Variants in NUP210 observed in about 807,000 individuals in gnomAD.
NUP210 encodes nucleoporin 210, also known as nuclear pore membrane glycoprotein 210.
Under a neutral mutation model 196.0 loss-of-function variants are expected in NUP210, and 151 were observed. The observed-to-expected ratio is 0.77, with a 90% CI of 0.67 to 0.88. The LOEUF is 0.88. Ranked by LOEUF, NUP210 falls within the 40% of genes least tolerant of loss-of-function variation. NUP210 has a pLI of 0.00. For missense variants in NUP210, 2,314 were observed against 2,493.7 expected, an observed-to-expected ratio of 0.93 and a Z score of 1.53; for synonymous variants, 1,070 against 1,052.7, an observed-to-expected ratio of 1.02 and a Z score of -0.32.
chr3:13,323,255 C>T lies in NUP210; in HGVS notation c.4768+54G>A. On this transcript the variant is annotated intron_variant, in intron 34 of 39. Transcript: ENST00000254508. This position sits in a 1 kb window ranked among gnomAD's most constrained non-coding sequence, Gnocchi z 4.3. ...AACTCCATCCAGAGGACACAGGAAG[C>T]CACCTCCCCGCTCCCAGGTACTCTG... 1 of 1,607,662 alleles carries T rather than the reference C, an allele frequency of 6.2e-7. No homozygotes were observed. Among genetic ancestry groups the T allele is most frequent in the Non-Finnish European group, 8.5e-7 (1 of 1,176,256 alleles).
chr3:13,387,086 A>C (rs181612099), intron 5 of NUP210, among the ~76,000 whole-genome samples: 1 of 152,310 alleles, frequency 6.6e-6, no homozygotes, highest in East Asian at 1.9e-4. Flanking sequence ...GAAACACAAA[A>C]ACATTTCCTC....
intron 13 of NUP210, 119 bp from the exon 14 acceptor site, chr3:13,366,210 C>T: frequency 2.1e-6 from 2 of 937,080 alleles, no homozygotes; most frequent in Non-Finnish European, 3.1e-6. Flanking sequence ...CTCACTGCGA[C>T]CTCCGCCTCC....
At chr3:13,402,590 G>A (rs1014251779) in intron 1 of NUP210, among the ~76,000 whole-genome samples, 2 of 152,010 alleles carry the variant, frequency 1.3e-5, no homozygotes. Context: ...TGCAGAACCC[G>A]ACTGCAGTGA....
At chr3:13,410,266 C>T (rs1218467660) in intron 1 of NUP210, among the ~76,000 whole-genome samples, 2 of 148,888 alleles carry the variant, frequency 1.3e-5, no homozygotes, top group African/African-American at 4.9e-5. Context: ...CCGCAGCCTC[C>T]ACCTCCCAGG....
chr3:13,333,117 C>T (rs541089914), intron 28 of NUP210, among the ~76,000 whole-genome samples: 53 of 152,322 alleles, frequency 3.5e-4, no homozygotes, highest in African/African-American at 1.2e-3. Flanking sequence ...GGAGCTCAGT[C>T]CGGCAAATGA....
intron 15 of NUP210, among the ~76,000 whole-genome samples, chr3:13,360,061 T>G (rs1166439127): frequency 6.6e-6 from 1 of 152,222 alleles, no homozygotes; most frequent in East Asian, 1.9e-4. Flanking sequence ...AAAGCTGGCA[T>G]AGCGGGAGGT....
rs749632555 is a variant in NUP210, at chr3:13,330,438, AAGG to A, written c.4110+19_4110+21del. 2.1e-4 allele frequency: 338 copies of A among 1,609,802 alleles called. 6 individuals are homozygous for A. The highest frequency in any genetic ancestry group is 1.8e-3 in the African/African-American group (138 of 74,848). On this transcript the variant is annotated intron_variant, in intron 30 of 39. Coordinates refer to ENST00000254508, the MANE Select transcript of NUP210 (RefSeq NM_024923.4). ...GTGCTATTGCTTTCATTACTCCAAA[AAGG>A]AGGAGAATGCAACCCTACCTTTACA...
In NUP210 at chr3:13,379,666, G is replaced by A; in HGVS notation, c.873C>T (p.Gly291=). Residue 291 remains glycine (G), a synonymous_variant, in exon 7 of 40, where the codon GGC becomes GGT. Transcript: ENST00000254508. This position sits in a 1 kb window ranked among gnomAD's most constrained non-coding sequence, Gnocchi z 4.2. ...CCGGCCGGGCTGGGTCTCCTTCGGGGCCCGGGATGCTGTTCTGAAGCTGCA... is the reference window on the plus strand; with the variant it reads ...CCGGCCGGGCTGGGTCTCCTTCGGGACCCGGGATGCTGTTCTGAAGCTGCA... ...YELQLQNSIP[G]PEGDPARPVA... The A allele has an allele frequency of 6.2e-7, 1 of 1,613,820 alleles. No individual in the cohort carries two copies. The highest frequency in any genetic ancestry group is 1.3e-5 in the African/African-American group (1 of 74,982).
At chr3:13,377,380 G>C (rs528658847) in intron 9 of NUP210, 76 bp downstream of exon 9, 202 of 1,038,928 alleles carry the variant, frequency 1.9e-4, no homozygotes, top group African/African-American at 2.7e-4. Flanking sequence ...TGTTGCTTTG[G>C]GGGCTGCTCT....
rs575812827 is a variant in NUP210, at chr3:13,340,739, G to T, written c.3229-441C>A. 5.7e-4 allele frequency among the ~76,000 whole-genome samples: 86 copies of T among 152,162 alleles called. No individual in the cohort carries two copies. Among genetic ancestry groups the T allele is most frequent in the African/African-American group, 2.1e-3 (86 of 41,532 alleles). On this transcript the variant is annotated intron_variant, in intron 23 of 39. Coordinates refer to ENST00000254508, the MANE Select transcript of NUP210 (RefSeq NM_024923.4). This position sits in a 1 kb window ranked among gnomAD's most constrained non-coding sequence, Gnocchi z 4.0. ...GGTGGCCCCACAGGACAGCCCTGCC[G>T]ATATGGGAGCACCCAGACCCCCAGA...
chr3:13,330,867 T>C (rs1696970624), intron 29 of NUP210, among the ~76,000 whole-genome samples: 1 of 152,192 alleles, frequency 6.6e-6, no homozygotes. Context: ...GTGTGGCGTC[T>C]CACTCTTCCC....
intron 13 of NUP210, among the ~76,000 whole-genome samples, chr3:13,367,374 G>A (rs1698575553): frequency 6.6e-6 from 1 of 152,188 alleles, no homozygotes; most frequent in Non-Finnish European, 1.5e-5. Flanking sequence ...GGCGGAGGTT[G>A]CAGTGAGCCG....
chr3:13,390,655 C>T (rs544012173), intron 4 of NUP210, among the ~76,000 whole-genome samples: 4 of 152,368 alleles, frequency 2.6e-5, no homozygotes, highest in African/African-American at 7.2e-5. Flanking sequence ...CTCAGACAAG[C>T]GGCTCGGCCT....
At position 13,348,376 on chromosome 3, in the gene NUP210, G is replaced by A; in HGVS notation, c.2835+3503C>T. On this transcript the variant is annotated intron_variant, in intron 20 of 39. Coordinates refer to ENST00000254508, the MANE Select transcript of NUP210 (RefSeq NM_024923.4). This position sits in a 1 kb window ranked among gnomAD's most constrained non-coding sequence, Gnocchi z 4.0. ...AGTAAAGGTCTCCCTCTGGTCACAA[G>A]TCCACCCTCAGAGCTTGCACAGAAT... 1.0e-6 allele frequency: 1 copy of A among 985,330 alleles called. No homozygotes were observed. The highest frequency in any genetic ancestry group is 1.2e-6 in the Non-Finnish European group (1 of 829,892). 61.0% of individuals were successfully genotyped at this position (985,330 alleles called of 1,614,324 possible). A position where few individuals can be genotyped will look rare whatever the true frequency, so the allele number is the denominator to read the frequency against.
chr3:13,407,063 C>T (rs948438679), intron 1 of NUP210, among the ~76,000 whole-genome samples: 4 of 152,194 alleles, frequency 2.6e-5, no homozygotes, highest in Admixed American at 2.6e-4. Context: ...AGCTAACCTC[C>T]CTGGGCTGCC....
Position 13,336,611 on chromosome 3 carries a change from A to G in NUP210, c.3684+176T>C, listed in dbSNP as rs113830666. On this transcript the variant is annotated intron_variant, in intron 27 of 39. Coordinates refer to ENST00000254508, the MANE Select transcript of NUP210 (RefSeq NM_024923.4). ...TACTCACCCCGTCTATGTGTTTAGCATTTGGGAGAAGGGAGTCCCGATGAG... is the reference window on the plus strand; with the variant it reads ...TACTCACCCCGTCTATGTGTTTAGCGTTTGGGAGAAGGGAGTCCCGATGAG... Among the ~76,000 whole-genome samples, 156 of 152,140 alleles carry G rather than the reference A, an allele frequency of 1.0e-3. 2 individuals are homozygous for G. The highest frequency in any genetic ancestry group is 3.4e-3 in the African/African-American group (143 of 41,506).
intron 21 of NUP210, 26 bp from the exon 22 acceptor site, chr3:13,342,149 G>C (rs74442162): frequency 2.1e-4 from 331 of 1,613,156 alleles, no homozygotes; most frequent in Non-Finnish European, 2.6e-4. Flanking sequence ...AGAGGTTCAG[G>C]GGCAGCCTCC....
At chr3:13,331,976 T>C (rs1697013598) in intron 29 of NUP210, among the ~76,000 whole-genome samples, 1 of 152,134 alleles carries the variant, frequency 6.6e-6, no homozygotes, top group Non-Finnish European at 1.5e-5. Flanking sequence ...TGGGCTACAC[T>C]CTGAGTGGCA....
At chr3:13,402,632 C>T (rs1227185265) in intron 1 of NUP210, among the ~76,000 whole-genome samples, 2 of 152,076 alleles carry the variant, frequency 1.3e-5, no homozygotes, top group African/African-American at 4.8e-5. Context: ...AGCAGGGCTA[C>T]ATTAAGGACT....
Sources: allele counts gnomAD v4.1 joint callset (sites outside exome capture counted in the v4.1 genomes callset), GRCh38; gene constraint gnomAD v4.1.1; non-coding constraint Gnocchi (gnomAD v3.1); transcripts MANE v1.5; gene names NCBI Gene and HGNC (gene_info 2026-07-23, HGNC 2026-07-21).